Variants in PCDHA4 observed in about 807,000 individuals in gnomAD.
The protein encoded by PCDHA4 is protocadherin alpha 4, also known as protocadherin alpha-4.
In PCDHA4, 49 loss-of-function variants were observed where a neutral mutation model predicts 61.4. That is an observed-to-expected ratio of 0.80 (90% CI 0.63 to 1.01). The LOEUF (loss-of-function observed/expected upper bound fraction) is 1.01, where lower values mean the gene tolerates loss of function less well. Among genes scored for constraint, PCDHA4 ranks in the 50% least tolerant of loss-of-function variants. PCDHA4 has a pLI of 0.00. For missense variants in PCDHA4, 1,254 were observed against 1,235.8 expected (o/e 1.01, Z -0.22); for synonymous variants, 590 against 550.3 (o/e 1.07, Z -1.01).
intron 1 of PCDHA4, chr5:140,841,532 C>T (rs2150317529): frequency 3.7e-6 from 6 of 1,613,694 alleles, no homozygotes; most frequent in Non-Finnish European, 5.1e-6. Context: ...GTCCAAAAGA[C>T]ACCGGGACCT....
intron 1 of PCDHA4, chr5:140,884,487 T>C (rs374963144): frequency 6.2e-7 from 1 of 1,613,832 alleles, no homozygotes; most frequent in African/African-American, 1.3e-5. Flanking sequence ...CCCACTCTAG[T>C]GTGCTCCAGC....
At chr5:140,869,684 T>G in intron 1 of PCDHA4, 1 of 1,613,486 alleles carries the variant, frequency 6.2e-7, no homozygotes, top group Non-Finnish European at 8.5e-7. Flanking sequence ...AGACTGTCAC[T>G]TATTTTAAAG....
chr5:140,876,801 G>A lies in PCDHA4; in HGVS notation c.2385+67229G>A, dbSNP rs1015597244. 3.1e-6 allele frequency: 5 copies of A among 1,614,114 alleles called. No homozygotes were observed. The African/African-American group carries it at 6.7e-5, about 22-fold the overall frequency. On this transcript the variant is annotated intron_variant, in intron 1 of 3. Transcript: ENST00000530339. ...TGTGGGCCACGGCTAGAGTGTCCGT[G>A]GAGGTGGCCGACGTGAACGACAATG...
rs2150357061 is a variant in PCDHA4, at chr5:140,843,307, G to A, written c.2385+33735G>A. 9.4e-6 allele frequency: 15 copies of A among 1,595,858 alleles called. 1 individual carries two copies. In the African/African-American group the frequency reaches 1.1e-4, roughly 11 times the overall value. Reference sequence around the variant, plus strand: ...ATGGTGAACCTGCGCTGACCGCCACGGCCACGGTTCTGGTGTCGCTGGTGG... The same window carrying A: ...ATGGTGAACCTGCGCTGACCGCCACAGCCACGGTTCTGGTGTCGCTGGTGG... On this transcript the variant is annotated intron_variant, in intron 1 of 3. Coordinates refer to ENST00000530339, the MANE Select transcript of PCDHA4 (RefSeq NM_018907.4).
intron 1 of PCDHA4, among the ~76,000 whole-genome samples, chr5:140,964,284 A>C (rs190870993): frequency 6.6e-6 from 1 of 152,362 alleles, no homozygotes; most frequent in East Asian, 1.9e-4. Context: ...AGTAAATTCT[A>C]GCTGGAGCTA....
intron 1 of PCDHA4, among the ~76,000 whole-genome samples, chr5:140,978,727 G>A (rs1382730289): frequency 1.3e-5 from 2 of 152,198 alleles, no homozygotes; most frequent in South Asian, 2.1e-4. Flanking sequence ...TATTAAATCT[G>A]GTCTTCCAGG....
intron 1 of PCDHA4, among the ~76,000 whole-genome samples, chr5:140,889,692 T>C (rs1237047126): frequency 1.3e-5 from 2 of 152,202 alleles, no homozygotes; most frequent in Non-Finnish European, 1.5e-5. Context: ...TTTAGTATTA[T>C]GGGCATATTC....
chr5:140,841,745 G>C, intron 1 of PCDHA4: 1 of 1,613,898 alleles, frequency 6.2e-7, no homozygotes, highest in Non-Finnish European at 8.5e-7. Flanking sequence ...AAAGCTGTTT[G>C]TTTCAGAATC....
chr5:140,870,168 C>A, intron 1 of PCDHA4: 1 of 1,614,108 alleles, frequency 6.2e-7, no homozygotes, highest in Admixed American at 1.7e-5. Context: ...CTTCCTTGTC[C>A]CTCCCAGTAC....
chr5:140,858,019 G>A (rs377389644), intron 1 of PCDHA4: 1 of 1,596,850 alleles, frequency 6.3e-7, no homozygotes, highest in Non-Finnish European at 8.6e-7. Flanking sequence ...GCGAGCCGTC[G>A]CTGACGGCCA....
chr5:141,000,468 C>T (rs2097940295), intron 3 of PCDHA4, among the ~76,000 whole-genome samples: 1 of 107,380 alleles, frequency 9.3e-6, no homozygotes, highest in Non-Finnish European at 1.8e-5. Context: ...GCTCTTGTTG[C>T]CCAAGCTGGA....
intron 1 of PCDHA4, chr5:140,843,314 G>A (rs2150357213): frequency 6.3e-7 from 1 of 1,596,084 alleles, no homozygotes; most frequent in South Asian, 1.1e-5. Flanking sequence ...CACGGCCACG[G>A]TTCTGGTGTC....
rs1246162498 is a variant in PCDHA4, at chr5:140,856,839, A to G, written c.2385+47267A>G. ...AACCAAACATTAGTAATACGGCTCA[A>G]CGCTTCTGATTCGGATGAAGGAATA... is the stretch of plus-strand genomic sequence containing the variant. On this transcript the variant is annotated intron_variant, in intron 1 of 3. Coordinates refer to ENST00000530339, the MANE Select transcript of PCDHA4 (RefSeq NM_018907.4). 1.3e-6 allele frequency: 2 copies of G among 1,592,670 alleles called. No homozygotes were observed. The highest frequency in any genetic ancestry group is 1.3e-5 in the African/African-American group (1 of 74,342).
chr5:141,009,999 G>A lies in PCDHA4; in HGVS notation c.*62G>A. 1 of 1,575,110 alleles carries A rather than the reference G, an allele frequency of 6.3e-7. No individual in the cohort carries two copies. The highest frequency in any genetic ancestry group is 1.2e-5 in the South Asian group (1 of 82,646). On this transcript the variant is annotated 3_prime_UTR_variant, in exon 4 of 4. Coordinates refer to ENST00000530339, the MANE Select transcript of PCDHA4 (RefSeq NM_018907.4). ...TGTAATAATGGCAAATCTCTCCCAT[G>A]TAGCAATTCCCTGCTCCTTTTTCCT...
chr5:140,826,711 G>T (rs1554130645), intron 1 of PCDHA4, among the ~76,000 whole-genome samples: 1 of 152,172 alleles, frequency 6.6e-6, no homozygotes, highest in Non-Finnish European at 1.5e-5. Context: ...GTGGTATTGA[G>T]AAAGAGGAAG....
intron 3 of PCDHA4, among the ~76,000 whole-genome samples, chr5:141,000,512 CCTT>C (rs1340468179): frequency 2.1e-5 from 3 of 144,282 alleles, no homozygotes; most frequent in Non-Finnish European, 4.5e-5. Context: ...ACTGCAACCT[CCTT>C]CTCCAGGGTT....
chr5:140,816,041 C>T (rs1016495184), intron 1 of PCDHA4: 2 of 152,064 alleles, frequency 1.3e-5, no homozygotes, highest in Non-Finnish European at 2.9e-5. Context: ...TGTCCATTTC[C>T]TTCCTCATAT....
In PCDHA4 at chr5:140,808,597, G is replaced by A. The variant is rs1355815972; in HGVS notation, c.1410G>A (p.Pro470=). The change falls in exon 1 of 4, where the codon CCG becomes CCA. Residue 470 remains proline (P), a synonymous_variant. Transcript: ENST00000530339. ...YTVFVKENNP[P]GCHIFTVSAW... is the part of the protein sequence containing the mutation. ...TGTTCGTGAAGGAGAACAACCCGCC[G>A]GGCTGCCACATCTTCACTGTGTCTG... 22 of 1,613,830 alleles carry A rather than the reference G, an allele frequency of 1.4e-5. No individual in the cohort carries two copies. Among genetic ancestry groups the A allele is most frequent in the Non-Finnish European group, 1.6e-5 (19 of 1,179,978 alleles).
intron 1 of PCDHA4, among the ~76,000 whole-genome samples, chr5:140,947,763 A>C (rs1392881813): frequency 1.3e-5 from 2 of 151,658 alleles, no homozygotes; most frequent in Non-Finnish European, 3.0e-5. Context: ...TGGTTTAAAA[A>C]ATTCTATTGT....
Sources: allele counts gnomAD v4.1 joint callset (sites outside exome capture counted in the v4.1 genomes callset), GRCh38; gene constraint gnomAD v4.1.1; transcripts MANE v1.5; gene names NCBI Gene and HGNC (gene_info 2026-07-23, HGNC 2026-07-21).